GCGR: variants seen among roughly 807,000 people sequenced by gnomAD.
GCGR encodes glucagon receptor.
GCGR carries 41 observed loss-of-function variants against 56.1 expected under a neutral mutation model. The ratio of observed to expected loss-of-function variants is 0.73; its 90% CI spans 0.57 to 0.95. GCGR has a LOEUF of 0.95. GCGR is among the 40% of genes least tolerant of loss of function. The pLI, the probability that GCGR is intolerant of heterozygous loss-of-function variation, is 0.00. For missense variants in GCGR, 595 were observed against 638.2 expected (o/e 0.93, Z 0.73); for synonymous variants, 278 against 271.1 (o/e 1.03, Z -0.25).
Position 81,811,972 on chromosome 17 carries a change from G to A in GCGR, c.878+26G>A, listed in dbSNP as rs899630992. 2.2e-5 allele frequency: 34 copies of A among 1,536,208 alleles called. No individual in the cohort carries two copies. The highest frequency in any genetic ancestry group is 2.2e-4 in the Admixed American group (11 of 50,966). ...GTGAGTATGAGCGGCTGGACAGCCT[G>A]GGGAGGGACCGGGGGGCTGGGGTGC... On this transcript the variant is annotated intron_variant, in intron 9 of 13. Transcript: ENST00000400723. This position sits in a 1 kb window ranked among gnomAD's most constrained non-coding sequence, Gnocchi z 5.8.
rs1598229951 is a variant in GCGR, at chr17:81,804,818, C to T, written c.-178+569C>T. ...CCGGCAAGCGGGTCACTGCCCTGCC[C>T]GGCTCCGGCCCCCCCGGCGCCCCAC... is the stretch of plus-strand genomic sequence containing the variant. On this transcript the variant is annotated intron_variant, in intron 1 of 13. Coordinates refer to ENST00000400723, the MANE Select transcript of GCGR (RefSeq NM_000160.5). The surrounding 1 kb of genome is among the most constrained non-coding windows in gnomAD (Gnocchi z 8.2). Among the ~76,000 whole-genome samples, 2 of 152,184 alleles carry T rather than the reference C, an allele frequency of 1.3e-5. No individual in the cohort carries two copies. Among genetic ancestry groups the T allele is most frequent in the South Asian group, 2.1e-4 (1 of 4,830 alleles).
In GCGR at chr17:81,806,670, G is replaced by A. The variant is rs1226656277; in HGVS notation, c.-177-2172G>A. Among the ~76,000 whole-genome samples the A allele has an allele frequency of 1.3e-5, 2 of 152,168 alleles. No homozygotes were observed. Among genetic ancestry groups the A allele is most frequent in the Non-Finnish European group, 2.9e-5 (2 of 68,018 alleles). On this transcript the variant is annotated intron_variant, in intron 1 of 13. Coordinates refer to ENST00000400723, the MANE Select transcript of GCGR (RefSeq NM_000160.5). The surrounding 1 kb of genome is among the most constrained non-coding windows in gnomAD (Gnocchi z 6.5). ...ACATGACAGGCATCGAATGGCTCCT[G>A]TTTCTCTGGCAGAGTTGGGGCAGAG...
Position 81,813,755 on chromosome 17 carries a change from A to C in GCGR, c.*66A>C. 2 of 1,441,498 alleles carry C rather than the reference A, an allele frequency of 1.4e-6. No homozygotes were observed. Among genetic ancestry groups the C allele is most frequent in the South Asian group, 1.3e-5 (1 of 78,644 alleles). The allele number at this position is 1,441,498 out of a possible 1,614,324, so 89.3% of individuals were successfully genotyped here. On this transcript the variant is annotated 3_prime_UTR_variant, in exon 14 of 14. Transcript: ENST00000400723. This position sits in a 1 kb window ranked among gnomAD's most constrained non-coding sequence, Gnocchi z 5.3. Reference sequence around the variant, plus strand: ...AGAGGGCGTCGCTGGACAACCCAGAACTGGACGCCCAGCTGAGGCTGGGGG... The same window carrying C: ...AGAGGGCGTCGCTGGACAACCCAGACCTGGACGCCCAGCTGAGGCTGGGGG...
In GCGR at chr17:81,811,912, T is replaced by C; in HGVS notation, c.844T>C (p.Trp282Arg). The C allele has an allele frequency of 2.0e-6, 3 of 1,536,936 alleles. No homozygotes were observed. Among genetic ancestry groups the C allele is most frequent in the East Asian group, 2.4e-5 (1 of 40,898 alleles). ...WGAPMLFVVP[W>R]AVVKCLFENV... ...TGCCCCCATGCTGTTCGTCGTCCCC[T>C]GGGCAGTGGTCAAGTGTCTGTTCGA... Residue 282 changes from tryptophan (W) to arginine (R), a missense_variant, in exon 9 of 14, where the codon TGG (tryptophan) becomes CGG (arginine). Trp to Arg is a moderately radical substitution (Grantham distance 101). Transcript: ENST00000400723. This position sits in a 1 kb window ranked among gnomAD's most constrained non-coding sequence, Gnocchi z 5.8.
At position 81,804,850 on chromosome 17, in the gene GCGR, GC is replaced by G. The variant is rs570784388; in HGVS notation, c.-178+603del. On this transcript the variant is annotated intron_variant, in intron 1 of 13. Transcript: ENST00000400723. This position sits in a 1 kb window ranked among gnomAD's most constrained non-coding sequence, Gnocchi z 8.2. ...GGCCCCCCCGGCGCCCCACCACCCG[GC>G]CGACTCGGCCACCGGGCTTATGCTC... Among the ~76,000 whole-genome samples, 1 of 152,078 alleles carries G rather than the reference GC, an allele frequency of 6.6e-6. No individual in the cohort carries two copies. Among genetic ancestry groups the G allele is most frequent in the East Asian group, 1.9e-4 (1 of 5,160 alleles).
chr17:81,811,883 C>A lies in GCGR; in HGVS notation c.818-3C>A, dbSNP rs1164929018. 3.9e-6 allele frequency: 6 copies of A among 1,537,154 alleles called. No homozygotes were observed. The Middle Eastern group carries it at 6.7e-4, about 171-fold the overall frequency. ...TTGGGACCACAGCTGCTGCCCCCCACAGGTGCCCCCATGCTGTTCGTCGTC... is the reference window on the plus strand; with the variant it reads ...TTGGGACCACAGCTGCTGCCCCCCAAAGGTGCCCCCATGCTGTTCGTCGTC... On this transcript the variant is annotated splice_region_variant and splice_polypyrimidine_tract_variant and intron_variant, in intron 8 of 13. Coordinates refer to ENST00000400723, the MANE Select transcript of GCGR (RefSeq NM_000160.5). This position sits in a 1 kb window ranked among gnomAD's most constrained non-coding sequence, Gnocchi z 5.8.
chr17:81,808,132 G>A (rs1242037832), intron 1 of GCGR, among the ~76,000 whole-genome samples: 3 of 152,240 alleles, frequency 2.0e-5, no homozygotes, highest in Non-Finnish European at 2.9e-5. Context: ...CCTGAGTGTG[G>A]GCCCCACACA....
At position 81,812,727 on chromosome 17, in the gene GCGR, G is replaced by A; in HGVS notation, c.1037+62G>A. 1 of 1,530,300 alleles carries A rather than the reference G, an allele frequency of 6.5e-7. No homozygotes were observed. The highest frequency in any genetic ancestry group is 8.8e-7 in the Non-Finnish European group (1 of 1,142,308). 94.8% of individuals were successfully genotyped at this position (1,530,300 alleles called of 1,614,324 possible). ...GACCCTCAGGGCCAGAGGGCAGCTG[G>A]GGGTGGGGACTCCAAGCTCCACGTG... On this transcript the variant is annotated intron_variant, in intron 11 of 13. Coordinates refer to ENST00000400723, the MANE Select transcript of GCGR (RefSeq NM_000160.5). The surrounding 1 kb of genome is among the most constrained non-coding windows in gnomAD (Gnocchi z 8.5).
At position 81,808,851 on chromosome 17, in the gene GCGR, G is replaced by T; in HGVS notation, c.-168G>T. ...CCCTCTTTATCCCTAGGACCCTGAG[G>T]CTCAGAGGGGCAGCTTCAGGGGAGG... On this transcript the variant is annotated 5_prime_UTR_variant, in exon 2 of 14. Transcript: ENST00000400723. 1.3e-6 allele frequency: 1 copy of T among 785,314 alleles called. No individual in the cohort carries two copies. Among genetic ancestry groups the T allele is most frequent in the Non-Finnish European group, 2.1e-6 (1 of 480,400 alleles). 48.6% of individuals were successfully genotyped at this position (785,314 alleles called of 1,614,324 possible).
rs904550213 is a variant in GCGR, at chr17:81,811,985, G to A, written c.878+39G>A. Reference sequence around the variant, plus strand: ...GCTGGACAGCCTGGGGAGGGACCGGGGGGCTGGGGTGCGGCGCTCTGGCCT... The same window carrying A: ...GCTGGACAGCCTGGGGAGGGACCGGAGGGCTGGGGTGCGGCGCTCTGGCCT... On this transcript the variant is annotated intron_variant, in intron 9 of 13. Coordinates refer to ENST00000400723, the MANE Select transcript of GCGR (RefSeq NM_000160.5). This position sits in a 1 kb window ranked among gnomAD's most constrained non-coding sequence, Gnocchi z 5.8. 14 of 1,536,042 alleles carry A rather than the reference G, an allele frequency of 9.1e-6. No individual in the cohort carries two copies. Among genetic ancestry groups the A allele is most frequent in the Admixed American group, 2.0e-5 (1 of 50,978 alleles).
Position 81,810,521 on chromosome 17 carries a change from G to T in GCGR, c.164-304G>T. 1 of 509,084 alleles carries T rather than the reference G, an allele frequency of 2.0e-6. No individual in the cohort carries two copies. Among genetic ancestry groups the T allele is most frequent in the Non-Finnish European group, 3.6e-6 (1 of 279,874 alleles). The allele number at this position is 509,084 out of a possible 1,614,324, so 31.5% of individuals were successfully genotyped here. A position where few individuals can be genotyped will look rare whatever the true frequency, so the allele number is the denominator to read the frequency against. ...GTCACGGAGAATGGGGGACCCCAGTGTGGGTTTGGGGCACATTTGAGATGG... is the reference window on the plus strand; with the variant it reads ...GTCACGGAGAATGGGGGACCCCAGTTTGGGTTTGGGGCACATTTGAGATGG... On this transcript the variant is annotated intron_variant, in intron 3 of 13. Transcript: ENST00000400723. This position sits in a 1 kb window ranked among gnomAD's most constrained non-coding sequence, Gnocchi z 4.6.
In GCGR at chr17:81,811,454, T is replaced by TCGTGCTGAAAGCCAGCTC. The variant is rs2038097048; in HGVS notation, c.559_576dup (p.Lys187_Leu192dup). On this transcript the variant is annotated inframe_insertion, in exon 7 of 14. Transcript: ENST00000400723. The surrounding 1 kb of genome is among the most constrained non-coding windows in gnomAD (Gnocchi z 5.8). ...ATCCACGCGAATCTGTTTGCGTCCT[T>TCGTGCTGAAAGCCAGCTC]CGTGCTGAAAGCCAGCTCCGTGCTG... 6.5e-7 allele frequency: 1 copy of TCGTGCTGAAAGCCAGCTC among 1,536,522 alleles called. No homozygotes were observed. Among genetic ancestry groups the TCGTGCTGAAAGCCAGCTC allele is most frequent in the Admixed American group, 2.0e-5 (1 of 50,982 alleles).
chr17:81,807,138 G>A (rs577374114), intron 1 of GCGR, among the ~76,000 whole-genome samples: 40 of 152,262 alleles, frequency 2.6e-4, no homozygotes, highest in African/African-American at 7.0e-4. Context: ...CGTGACCCCA[G>A]AGCTGGGGAC....
In GCGR at chr17:81,812,697, C is replaced by G. The variant is rs536282841; in HGVS notation, c.1037+32C>G. 6.5e-6 allele frequency: 10 copies of G among 1,531,152 alleles called. No homozygotes were observed. Among genetic ancestry groups the G allele is most frequent in the Non-Finnish European group, 8.7e-6 (10 of 1,142,870 alleles). 94.8% of individuals were successfully genotyped at this position (1,531,152 alleles called of 1,614,324 possible). A position where few individuals can be genotyped will look rare whatever the true frequency, so the allele number is the denominator to read the frequency against. On this transcript the variant is annotated intron_variant, in intron 11 of 13. Coordinates refer to ENST00000400723, the MANE Select transcript of GCGR (RefSeq NM_000160.5). The surrounding 1 kb of genome is among the most constrained non-coding windows in gnomAD (Gnocchi z 8.5). ...GCCGCGGCAGCTGGCGTCTCGAGAC[C>G]TGGAGACCCTCAGGGCCAGAGGGCA...
rs1292981858 is a variant in GCGR, at chr17:81,807,561, C to T, written c.-177-1281C>T. Reference sequence around the variant, plus strand: ...AACCCTCTGCTCCAGCTGCAGCCTTCGCCCATCTCCTTGCCCCTCTCCCCG... The same window carrying T: ...AACCCTCTGCTCCAGCTGCAGCCTTTGCCCATCTCCTTGCCCCTCTCCCCG... On this transcript the variant is annotated intron_variant, in intron 1 of 13. Coordinates refer to ENST00000400723, the MANE Select transcript of GCGR (RefSeq NM_000160.5). 4.6e-5 allele frequency among the ~76,000 whole-genome samples: 7 copies of T among 152,262 alleles called. No individual in the cohort carries two copies. The East Asian group carries it at 7.7e-4, about 17-fold the overall frequency.
chr17:81,812,759 G>A lies in GCGR; in HGVS notation c.1038-48G>A. The A allele has an allele frequency of 6.5e-7, 1 of 1,534,498 alleles. No homozygotes were observed. Among genetic ancestry groups the A allele is most frequent in the Non-Finnish European group, 8.7e-7 (1 of 1,145,974 alleles). On this transcript the variant is annotated intron_variant, in intron 11 of 13. Coordinates refer to ENST00000400723, the MANE Select transcript of GCGR (RefSeq NM_000160.5). The surrounding 1 kb of genome is among the most constrained non-coding windows in gnomAD (Gnocchi z 8.5). ...GGACTCCAAGCTCCACGTGGATGGT[G>A]CGGGCCGAGGGTGGGGGCGGTGGGT...
In GCGR at chr17:81,813,781, C is replaced by T. The variant is rs1409608451; in HGVS notation, c.*92C>T. ...CTGGACGCCCAGCTGAGGCTGGGGG[C>T]GGGGGAGCCAACAGCAGCCCCCACC... On this transcript the variant is annotated 3_prime_UTR_variant, in exon 14 of 14. Transcript: ENST00000400723. The surrounding 1 kb of genome is among the most constrained non-coding windows in gnomAD (Gnocchi z 5.3). 21 of 1,289,512 alleles carry T rather than the reference C, an allele frequency of 1.6e-5. No homozygotes were observed. Among genetic ancestry groups the T allele is most frequent in the African/African-American group, 4.5e-5 (3 of 67,252 alleles). 79.9% of individuals were successfully genotyped at this position (1,289,512 alleles called of 1,614,324 possible). A position where few individuals can be genotyped will look rare whatever the true frequency, so the allele number is the denominator to read the frequency against.
Position 81,812,183 on chromosome 17 carries a change from G to A in GCGR, c.879G>A (p.Gln293=). 1 of 1,536,212 alleles carries A rather than the reference G, an allele frequency of 6.5e-7. No individual in the cohort carries two copies. Among genetic ancestry groups the A allele is most frequent in the Non-Finnish European group, 8.7e-7 (1 of 1,146,784 alleles). ...AVVKCLFENV[Q]CWTSNDNMGF... ...GTATGTGAGTGGCCTGGCCTCGCAG[G>A]TGCTGGACCAGCAATGACAACATGG... Residue 293 remains glutamine, a splice_region_variant and synonymous_variant, in exon 10 of 14, where the codon CAG becomes CAA. Transcript: ENST00000400723. The surrounding 1 kb of genome is among the most constrained non-coding windows in gnomAD (Gnocchi z 8.5).
At position 81,806,214 on chromosome 17, in the gene GCGR, G is replaced by C. The variant is rs988103303; in HGVS notation, c.-178+1965G>C. ...AGCTGGAGTCTCCCTACCCATATGG[G>C]ACCCACCACCCGCAGGGAACGGAGG... On this transcript the variant is annotated intron_variant, in intron 1 of 13. Transcript: ENST00000400723. This position sits in a 1 kb window ranked among gnomAD's most constrained non-coding sequence, Gnocchi z 6.5. Among the ~76,000 whole-genome samples, 1 of 152,032 alleles carries C rather than the reference G, an allele frequency of 6.6e-6. No individual in the cohort carries two copies.
Sources: gnomAD v4.1 joint callset for allele counts (sites outside exome capture counted in the v4.1 genomes callset) on GRCh38, gnomAD v4.1.1 for gene constraint, Gnocchi (gnomAD v3.1) non-coding constraint, MANE v1.5 for transcripts, NCBI Gene and HGNC (gene_info 2026-07-23, HGNC 2026-07-21) for gene names.